Variants in TYR observed in about 807,000 individuals in gnomAD.
The protein encoded by TYR is LB24-AB.
Under a neutral mutation model 51.5 loss-of-function variants are expected in TYR, and 58 were observed. That is an observed-to-expected ratio of 1.13 (90% CI 0.91 to 1.40). The LOEUF (loss-of-function observed/expected upper bound fraction) is 1.40, where lower values mean the gene tolerates loss of function less well. TYR is among the 40% of genes most tolerant of loss of function. TYR has a pLI of 0.00. For synonymous variants in TYR, 263 were observed against 235.2 expected (o/e 1.12, Z -1.08); for missense variants, 732 against 647.4 (o/e 1.13, Z -1.42).
Position 89,177,969 on chromosome 11 carries a change from T to C in TYR, c.16T>C (p.Leu6=). Residue 6 remains leucine, a synonymous_variant, in exon 1 of 5, where the codon TTG becomes CTG. Transcript: ENST00000263321. ...TAGAGGAAGAATGCTCCTGGCTGTT[T>C]TGTACTGCCTGCTGTGGAGTTTCCA... MLLAV[L]YCLLWSFQTS... 1.2e-6 allele frequency: 2 copies of C among 1,614,168 alleles called. No homozygotes were observed. Among genetic ancestry groups the C allele is most frequent in the Non-Finnish European group, 1.7e-6 (2 of 1,180,030 alleles).
chr11:89,188,044 A>T (rs950189326), intron 1 of TYR, among the ~76,000 whole-genome samples: 2 of 150,626 alleles, frequency 1.3e-5, no homozygotes, highest in African/African-American at 4.9e-5. Flanking sequence ...ATTATATATA[A>T]TATTTTATTT....
intron 4 of TYR, chr11:89,293,863 C>A (rs557783888): frequency 1.2e-4 from 37 of 310,796 alleles, no homozygotes; most frequent in African/African-American, 8.2e-4. Flanking sequence ...TGTGAATATT[C>A]CCATTTCAGG....
intron 3 of TYR, among the ~76,000 whole-genome samples, chr11:89,257,970 A>G (rs1242593475): frequency 6.6e-6 from 1 of 152,060 alleles, no homozygotes; most frequent in Non-Finnish European, 1.5e-5. Flanking sequence ...AAGTATCTTG[A>G]GAATATGGAT....
chr11:89,203,220 C>T (rs113433133), intron 2 of TYR, among the ~76,000 whole-genome samples: 11 of 152,134 alleles, frequency 7.2e-5, no homozygotes, highest in Non-Finnish European at 1.3e-4. Context: ...GGATAGGGAA[C>T]CTGATAGTCA....
At chr11:89,211,626 C>A (rs770337841) in intron 2 of TYR, among the ~76,000 whole-genome samples, 2 of 152,142 alleles carry the variant, frequency 1.3e-5, no homozygotes, top group Non-Finnish European at 2.9e-5. Flanking sequence ...CAGAACTCTC[C>A]ACCCCAAATC....
intron 3 of TYR, among the ~76,000 whole-genome samples, chr11:89,272,029 T>C (rs949194328): frequency 6.6e-6 from 1 of 151,876 alleles, no homozygotes; most frequent in Non-Finnish European, 1.5e-5. Flanking sequence ...ACTGAAGTCT[T>C]GAACCCCCTC....
chr11:89,286,919 T>A (rs1944794525), intron 4 of TYR, among the ~76,000 whole-genome samples: 1 of 151,880 alleles, frequency 6.6e-6, no homozygotes, highest in Admixed American at 6.6e-5. Context: ...CATTTAGGAT[T>A]TTATGATTTA....
intron 4 of TYR, among the ~76,000 whole-genome samples, chr11:89,290,467 A>C (rs1330600083): frequency 2.0e-5 from 3 of 152,202 alleles, no homozygotes; most frequent in Non-Finnish European, 2.9e-5. Context: ...TGTAGCCTCT[A>C]TGTATCCTGC....
At position 89,178,768 on chromosome 11, in the gene TYR, G is replaced by T. The variant is rs779454147; in HGVS notation, c.815G>T (p.Trp272Leu). 1.9e-6 allele frequency: 3 copies of T among 1,613,956 alleles called. No individual in the cohort carries two copies. The highest frequency in any genetic ancestry group is 3.3e-5 in the Admixed American group (2 of 60,006). The change falls in exon 1 of 5, where the codon TGG becomes TTG. Residue 272 changes from tryptophan to leucine, a missense_variant. Trp to Leu is a moderately conservative substitution (Grantham distance 61). Transcript: ENST00000263321. ...AGCCCAGCATCATTCTTCTCCTCTTGGCAGGTAAGATATGCTAGATATACG... is the reference window on the plus strand; with the variant it reads ...AGCCCAGCATCATTCTTCTCCTCTTTGCAGGTAAGATATGCTAGATATACG... ...LLSPASFFSS[W>L]QIVCSRLEEY...
At chr11:89,179,669 C>T (rs746680345) in intron 1 of TYR, among the ~76,000 whole-genome samples, 1 of 152,146 alleles carries the variant, frequency 6.6e-6, no homozygotes, top group African/African-American at 2.4e-5. Flanking sequence ...TTCTGTCTCA[C>T]TTTTTCTTTA....
In TYR at chr11:89,285,001, A is replaced by C; in HGVS notation, c.1366+47A>C. 2.6e-6 allele frequency: 4 copies of C among 1,536,738 alleles called. No individual in the cohort carries two copies. In the South Asian group the frequency reaches 3.4e-5, roughly 13 times the overall value. On this transcript the variant is annotated intron_variant, in intron 4 of 4. Coordinates refer to ENST00000263321, the MANE Select transcript of TYR (RefSeq NM_000372.5). ...AGGAATTGCTGAATCTAGTGTTACC[A>C]ATTTATTTTGAGATAACACAAAACT...
intron 4 of TYR, among the ~76,000 whole-genome samples, chr11:89,291,050 C>T (rs550952971): frequency 1.3e-5 from 2 of 152,022 alleles, no homozygotes; most frequent in South Asian, 2.1e-4. Context: ...TTAACTGCTA[C>T]GTGCCTTAAA....
intron 1 of TYR, among the ~76,000 whole-genome samples, chr11:89,186,494 C>G (rs1943374649): frequency 6.6e-6 from 1 of 152,124 alleles, no homozygotes; most frequent in Non-Finnish European, 1.5e-5. Context: ...CCTCCTCACC[C>G]TCTGCCCAAG....
intron 3 of TYR, among the ~76,000 whole-genome samples, chr11:89,264,268 T>C (rs1234840652): frequency 6.6e-6 from 1 of 152,020 alleles, no homozygotes; most frequent in Admixed American, 6.6e-5. Context: ...ACTGCTCTAA[T>C]TGTGATTGGG....
At chr11:89,275,441 A>T (rs1944642649) in intron 3 of TYR, among the ~76,000 whole-genome samples, 1 of 151,932 alleles carries the variant, frequency 6.6e-6, no homozygotes, top group South Asian at 2.1e-4. Flanking sequence ...AAGTCACAGG[A>T]ATCTAAAATG....
chr11:89,215,567 T>C (rs28634864), intron 2 of TYR, among the ~76,000 whole-genome samples: 3,835 of 152,212 alleles, frequency 0.025, 175 homozygotes, highest in African/African-American at 0.088. Flanking sequence ...AAAGAATAAA[T>C]GGCTATATCC....
intron 3 of TYR, among the ~76,000 whole-genome samples, chr11:89,251,114 T>C (rs1172882752): frequency 2.0e-5 from 3 of 151,930 alleles, no homozygotes; most frequent in Non-Finnish European, 1.5e-5. Context: ...CATGTTGAAA[T>C]GTTTAAACAG....
intron 3 of TYR, chr11:89,283,951 G>A (rs918183311): frequency 5.9e-5 from 9 of 151,798 alleles, no homozygotes; most frequent in Admixed American, 4.6e-4. Context: ...AGAAATAGGT[G>A]AGAATAAGCA....
intron 3 of TYR, among the ~76,000 whole-genome samples, chr11:89,231,602 A>G (rs1365422324): frequency 7.0e-6 from 1 of 142,930 alleles, no homozygotes; most frequent in East Asian, 2.0e-4. Flanking sequence ...TTAAACTCCT[A>G]GAATTAGAGA....
Sources: gnomAD v4.1 joint callset for allele counts (sites outside exome capture counted in the v4.1 genomes callset) on GRCh38, gnomAD v4.1.1 for gene constraint, MANE v1.5 for transcripts, NCBI Gene and HGNC (gene_info 2026-07-23, HGNC 2026-07-21) for gene names.